Variants in GLIS1 observed in about 807,000 individuals in gnomAD.
GLIS1 encodes the protein GLIS family zinc finger 1.
Under a neutral mutation model 63.8 loss-of-function variants are expected in GLIS1, and 24 were observed. The observed-to-expected ratio is 0.38, with a 90% confidence interval of 0.27 to 0.53. The LOEUF is 0.53. GLIS1 is among the 20% of genes least tolerant of loss of function. The pLI, the probability that GLIS1 is intolerant of heterozygous loss-of-function variation, is 0.85. For missense variants in GLIS1, 1,036 were observed against 1,074.1 expected, an observed-to-expected ratio of 0.96 and a Z score of 0.50; for synonymous variants, 450 against 482.5, an observed-to-expected ratio of 0.93 and a Z score of 0.88.
chr1:53,541,396 C>A (rs1644641558), intron 4 of GLIS1, among the ~76,000 whole-genome samples: 1 of 152,260 alleles, frequency 6.6e-6, no homozygotes, highest in Non-Finnish European at 1.5e-5. Context: ...ACCCACCCAG[C>A]CACCCACATG....
chr1:53,701,964 G>T (rs947125474), intron 2 of GLIS1, among the ~76,000 whole-genome samples: 29 of 142,608 alleles, frequency 2.0e-4, no homozygotes, highest in Non-Finnish European at 3.9e-4. Flanking sequence ...CTGCACTCTA[G>T]CCTGGGTGAC....
intron 2 of GLIS1, among the ~76,000 whole-genome samples, chr1:53,603,559 G>C (rs1040846390): frequency 1.3e-5 from 2 of 152,236 alleles, no homozygotes; most frequent in Non-Finnish European, 2.9e-5. Context: ...ACTGCCTCCT[G>C]TCTGTTGTCT....
intron 2 of GLIS1, among the ~76,000 whole-genome samples, chr1:53,703,471 T>TA (rs1215759080): frequency 2.0e-5 from 3 of 151,160 alleles, no homozygotes; most frequent in East Asian, 1.9e-4. Context: ...ACCCCATCTC[T>TA]AAAAAAAATA....
chr1:53,681,589 C>A (rs1646275743), intron 2 of GLIS1, among the ~76,000 whole-genome samples: 1 of 152,266 alleles, frequency 6.6e-6, no homozygotes, highest in Admixed American at 6.5e-5. Context: ...TCTCTGCTGA[C>A]AAAGCAGGGG....
At chr1:53,599,224 A>T (rs1432283542) in intron 3 of GLIS1, among the ~76,000 whole-genome samples, 1 of 152,160 alleles carries the variant, frequency 6.6e-6, no homozygotes, top group Admixed American at 6.5e-5. Context: ...ACTTAATCCC[A>T]AATGTGGCAG....
At chr1:53,701,622 C>T (rs1181621152) in intron 2 of GLIS1, among the ~76,000 whole-genome samples, 3 of 152,218 alleles carry the variant, frequency 2.0e-5, no homozygotes, top group African/African-American at 7.2e-5. Flanking sequence ...AGTCTGGCTG[C>T]AGGGCCCTGG....
intron 2 of GLIS1, among the ~76,000 whole-genome samples, chr1:53,671,812 A>G (rs930449181): frequency 1.3e-5 from 2 of 152,238 alleles, no homozygotes; most frequent in Non-Finnish European, 2.9e-5. Flanking sequence ...AGGCTTAGGA[A>G]GGTGAAATGG....
intron 4 of GLIS1, among the ~76,000 whole-genome samples, chr1:53,592,572 C>A (rs1306898434): frequency 6.6e-6 from 1 of 152,214 alleles, no homozygotes; most frequent in Non-Finnish European, 1.5e-5. Context: ...GTCTATTGGT[C>A]AACTCCTAGG....
chr1:53,559,795 ACACT>A (rs979534625), intron 4 of GLIS1, among the ~76,000 whole-genome samples: 7 of 152,092 alleles, frequency 4.6e-5, no homozygotes, highest in East Asian at 1.9e-4. Context: ...TCATCCACAC[ACACT>A]CACTGTCAGG....
At chr1:53,572,602 A>G (rs1644994386) in intron 4 of GLIS1, among the ~76,000 whole-genome samples, 1 of 152,360 alleles carries the variant, frequency 6.6e-6, no homozygotes, top group South Asian at 2.1e-4. Context: ...GGACGTTTAC[A>G]TTCCTGGTGG....
intron 2 of GLIS1, among the ~76,000 whole-genome samples, chr1:53,727,930 G>A (rs1646821362): frequency 6.6e-6 from 1 of 152,236 alleles, no homozygotes; most frequent in South Asian, 2.1e-4. Flanking sequence ...CATCTCACAT[G>A]TGTTGAGAGC....
chr1:53,589,565 A>G (rs1645168504), intron 4 of GLIS1, among the ~76,000 whole-genome samples: 1 of 152,208 alleles, frequency 6.6e-6, no homozygotes, highest in African/African-American at 2.4e-5. Flanking sequence ...AGTTAAGGCC[A>G]ATCCGTAATA....
At chr1:53,540,626 A>G (rs916507386) in intron 4 of GLIS1, among the ~76,000 whole-genome samples, 1 of 152,094 alleles carries the variant, frequency 6.6e-6, no homozygotes, top group Non-Finnish European at 1.5e-5. Flanking sequence ...AGGGGTGGTG[A>G]GCAACACCTG....
At chr1:53,572,082 G>A (rs1258713057) in intron 4 of GLIS1, among the ~76,000 whole-genome samples, 1 of 152,196 alleles carries the variant, frequency 6.6e-6, no homozygotes, top group African/African-American at 2.4e-5. Context: ...TGTTCATTTT[G>A]TTATGCTTTA....
chr1:53,736,778 G>C (rs1240501141), intron 2 of GLIS1, among the ~76,000 whole-genome samples: 1 of 152,132 alleles, frequency 6.6e-6, no homozygotes, highest in Non-Finnish European at 1.5e-5. Context: ...CAGGGAGTTG[G>C]GTGTTTTTGA....
intron 4 of GLIS1, among the ~76,000 whole-genome samples, chr1:53,556,240 G>GGT (rs562739394): frequency 4.9e-5 from 6 of 122,396 alleles, no homozygotes; most frequent in Non-Finnish European, 8.5e-5. Context: ...GTGTACTGTA[G>GGT]GTGTGTGTGT....
At chr1:53,593,186 G>A (rs1237226464) in intron 4 of GLIS1, among the ~76,000 whole-genome samples, 2 of 152,256 alleles carry the variant, frequency 1.3e-5, no homozygotes, top group Non-Finnish European at 2.9e-5. Context: ...CTGGGCAGTG[G>A]CCCTGGTGGC....
In GLIS1 at chr1:53,596,377, G is replaced by A. The variant is rs1189385717; in HGVS notation, c.438-1387C>T. On this transcript the variant is annotated intron_variant, in intron 3 of 10. Transcript: ENST00000628545. ...AAAGTGAGGCAGGGCTGAGAGTTAG[G>A]ACACCCCCCTGGCTGGCTAGGCAGA... Among the ~76,000 whole-genome samples the A allele has an allele frequency of 2.0e-5, 3 of 152,160 alleles. No homozygotes were observed. In the East Asian group the frequency reaches 5.8e-4, roughly 29 times the overall value.
rs148749395 is a variant in GLIS1 at position 53,544,715 on chromosome 1, A to G, written c.1321-14763T>C. On this transcript the variant is annotated intron_variant, in intron 4 of 10. Transcript: ENST00000628545. ...CTTGGGCCATCAGAACTTCATATCTATGTGTTTTTATATATGCTGTTCCCT... is the reference window on the plus strand; with the variant it reads ...CTTGGGCCATCAGAACTTCATATCTGTGTGTTTTTATATATGCTGTTCCCT... Among the ~76,000 whole-genome samples the G allele has an allele frequency of 4.0e-3, 609 of 152,084 alleles. 7 individuals are homozygous for G. The highest frequency in any genetic ancestry group is 0.014 in the African/African-American group (573 of 41,470).
Sources: gnomAD v4.1 joint callset for allele counts (sites outside exome capture counted in the v4.1 genomes callset) on GRCh38, gnomAD v4.1.1 for gene constraint, MANE v1.5 for transcripts, NCBI Gene and HGNC (gene_info 2026-07-23, HGNC 2026-07-21) for gene names.